The following NBR1 variants were observed in gnomAD, a reference collection of about 807,000 sequenced individuals.
The protein encoded by NBR1 is NBR1 autophagy cargo receptor.
NBR1 carries 59 observed loss-of-function variants against 115.5 expected under a neutral mutation model. The observed-to-expected ratio is 0.51, with a 90% CI of 0.41 to 0.63. The LOEUF (loss-of-function observed/expected upper bound fraction) is 0.63. Ranked by LOEUF, NBR1 falls within the 30% of genes least tolerant of loss-of-function variation. NBR1 has a pLI of 0.00. For missense variants in NBR1, 1,043 were observed against 1,150.5 expected, an observed-to-expected ratio of 0.91 and a Z score of 1.35; for synonymous variants, 373 against 414.7, an observed-to-expected ratio of 0.90 and a Z score of 1.22.
rs184767092 is a variant in NBR1 at position 43,211,289 on chromosome 17, A to T, written c.*1215A>T. On this transcript the variant is annotated 3_prime_UTR_variant, in exon 21 of 21. Coordinates refer to ENST00000590996, the MANE Select transcript of NBR1 (RefSeq NM_005899.5). ...AATGCTAAATATTTTATCCATGAAA[A>T]TGACTTCCAGAAAAGGAAGAATATG... 1.9e-3 allele frequency: 285 copies of T among 152,826 alleles called. 1 individual carries two copies. Among genetic ancestry groups the T allele is most frequent in the Non-Finnish European group, 2.5e-3 (170 of 68,066 alleles). The allele number at this position is 152,826 out of a possible 1,614,324, so 9.5% of individuals were successfully genotyped here. A position where few individuals can be genotyped will look rare whatever the true frequency, so the allele number is the denominator to read the frequency against.
rs527744712 is a variant in NBR1 at position 43,203,747 on chromosome 17, A to G, written c.2688A>G (p.Ala896=). ...VKGALSVAAS[A]YKALFAGPPV... is the part of the protein sequence containing the mutation. ...GGGCTTTGTCTGTTGCTGCCTCTGC[A>G]TACAAGGCCCTGTTTGCTGGGCCAC... The change falls in exon 20 of 21, where the codon GCA becomes GCG. Residue 896 remains alanine, a synonymous_variant. Coordinates refer to ENST00000590996, the MANE Select transcript of NBR1 (RefSeq NM_005899.5). 3 of 1,606,884 alleles carry G rather than the reference A, an allele frequency of 1.9e-6. No individual in the cohort carries two copies. The highest frequency in any genetic ancestry group is 1.3e-5 in the African/African-American group (1 of 74,872).
At chr17:43,170,523 A>T (rs187489135), upstream of NBR1, 1 of 153,642 alleles carries the variant, frequency 6.5e-6, no homozygotes, top group Non-Finnish European at 1.5e-5. Flanking sequence ...CTGAGGCCTG[A>T]ATATCAGCGT....
Position 43,171,243 on chromosome 17 carries a change from CCGGTAGCGGA to C in NBR1, c.-64_-55del. The C allele has an allele frequency of 6.6e-6, 1 of 152,638 alleles. No homozygotes were observed. Among genetic ancestry groups the C allele is most frequent in the Non-Finnish European group, 1.5e-5 (1 of 68,048 alleles). 9.5% of individuals were successfully genotyped at this position (152,638 alleles called of 1,614,324 possible). ...TCACCCCACAGGGATAGCGGCAGAG[CCGGTAGCGGA>C]CGGTCCTTGCATTGGCCTCCGGCAG... On this transcript the variant is annotated 5_prime_UTR_variant, in exon 1 of 21. Coordinates refer to ENST00000590996, the MANE Select transcript of NBR1 (RefSeq NM_005899.5).
chr17:43,186,570 G>A, intron 6 of NBR1, 126 bp downstream of exon 6: 2 of 854,816 alleles, frequency 2.3e-6, no homozygotes, highest in Non-Finnish European at 1.7e-6. Context: ...TGCAGAATGT[G>A]CAGGTTTGTT....
intron 7 of NBR1, 43 bp from the exon 8 acceptor site, chr17:43,189,545 A>T: frequency 7.0e-7 from 1 of 1,434,404 alleles, no homozygotes; most frequent in Admixed American, 1.7e-5. Flanking sequence ...TTTTTCTGAT[A>T]TTGGAACTGA....
chr17:43,193,066 G>A, intron 10 of NBR1, 28 bp from the exon 11 acceptor site: 1 of 1,608,682 alleles, frequency 6.2e-7, no homozygotes, highest in South Asian at 1.1e-5. Context: ...CCAACAGCAA[G>A]TGACTAAGCA....
chr17:43,195,219 C>T (rs2057039481), intron 14 of NBR1, 180 bp downstream of exon 14: 2 of 605,544 alleles, frequency 3.3e-6, no homozygotes, highest in Non-Finnish European at 5.8e-6. Context: ...AAAGTAACAA[C>T]ATGCTGGGCA....
Position 43,196,591 on chromosome 17 carries a change from G to C in NBR1, c.1861G>C (p.Asp621His), listed in dbSNP as rs903571517. The change falls in exon 15 of 21, where the codon GAT (aspartate) becomes CAT (histidine). Residue 621 changes from aspartate to histidine, a missense_variant and splice_region_variant. Physicochemically the swap from Asp to His is moderately conservative, Grantham distance 81. Coordinates refer to ENST00000590996, the MANE Select transcript of NBR1 (RefSeq NM_005899.5). The part of the protein sequence containing the change: ...NEGAGFKALP[D>H]SMVSVKRKAE... Reference sequence around the variant, plus strand: ...AGGGGCAGGATTTAAAGCACTTCCTGGTAAGGGATTAAACATTTGTAAAGT... The same window carrying C: ...AGGGGCAGGATTTAAAGCACTTCCTCGTAAGGGATTAAACATTTGTAAAGT... 4 of 1,580,558 alleles carry C rather than the reference G, an allele frequency of 2.5e-6. No homozygotes were observed. The highest frequency in any genetic ancestry group is 8.6e-7 in the Non-Finnish European group (1 of 1,159,456).
intron 1 of NBR1, among the ~76,000 whole-genome samples, chr17:43,174,424 C>T (rs1352491322): frequency 6.6e-6 from 1 of 151,942 alleles, no homozygotes; most frequent in Non-Finnish European, 1.5e-5. Flanking sequence ...GGTGAAACCC[C>T]GTCTCTACTA....
chr17:43,202,788 C>A, intron 19 of NBR1, 76 bp downstream of exon 19: 1 of 1,167,432 alleles, frequency 8.6e-7, no homozygotes, highest in South Asian at 1.3e-5. Context: ...AAGAGCCTCT[C>A]ACAGTATGTA....
chr17:43,190,449 T>C (rs944735157), intron 8 of NBR1, 160 bp from the exon 9 acceptor site: 1 of 707,772 alleles, frequency 1.4e-6, no homozygotes, highest in Non-Finnish European at 2.4e-6. Context: ...ATTATCCTCA[T>C]TTTATTAATG....
rs1169625468 is a variant in NBR1, at chr17:43,180,799, A to G, written c.189A>G (p.Glu63=). The change falls in exon 5 of 21, where the codon GAA becomes GAG. Residue 63 remains glutamate, a synonymous_variant. Transcript: ENST00000590996. ...NEEVSINSQG[E]YEEALKMAVK... ...GTATATTTTTTGTTCTTTTAGGAGA[A>G]TATGAAGAAGCGCTTAAGGTAATGA... 1 of 1,456,768 alleles carries G rather than the reference A, an allele frequency of 6.9e-7. No individual in the cohort carries two copies. Among genetic ancestry groups the G allele is most frequent in the Non-Finnish European group, 9.1e-7 (1 of 1,096,558 alleles). The allele number at this position is 1,456,768 out of a possible 1,614,324, so 90.2% of individuals were successfully genotyped here. A position where few individuals can be genotyped will look rare whatever the true frequency, so the allele number is the denominator to read the frequency against.
At chr17:43,197,593 A>G (rs1270629517) in intron 16 of NBR1, among the ~76,000 whole-genome samples, 2 of 152,014 alleles carry the variant, frequency 1.3e-5, no homozygotes, top group Non-Finnish European at 2.9e-5. Context: ...TTCTAATTAG[A>G]GCATCAGGAG....
chr17:43,195,208 A>G (rs916807306), intron 14 of NBR1, 169 bp downstream of exon 14: 3 of 633,634 alleles, frequency 4.7e-6, no homozygotes, highest in South Asian at 3.7e-5. Context: ...GTCCTTTGTC[A>G]AAAGTAACAA....
chr17:43,210,718 G>A lies in NBR1; in HGVS notation c.*644G>A, dbSNP rs568875218. On this transcript the variant is annotated 3_prime_UTR_variant, in exon 21 of 21. Coordinates refer to ENST00000590996, the MANE Select transcript of NBR1 (RefSeq NM_005899.5). ...GGGAATCTCCGCATTTCAATGAAAGGAGGAAGAGTGTGCTGATAAACCTAC... is the reference window on the plus strand; with the variant it reads ...GGGAATCTCCGCATTTCAATGAAAGAAGGAAGAGTGTGCTGATAAACCTAC... 1.4e-4 allele frequency: 57 copies of A among 398,528 alleles called. No homozygotes were observed. Among genetic ancestry groups the A allele is most frequent in the African/African-American group, 1.2e-3 (57 of 48,742 alleles). The allele number at this position is 398,528 out of a possible 1,614,324, so 24.7% of individuals were successfully genotyped here.
At chr17:43,175,379 TAGTA>T (rs1333393305) in intron 1 of NBR1, among the ~76,000 whole-genome samples, 3 of 152,328 alleles carry the variant, frequency 2.0e-5, no homozygotes, top group Admixed American at 6.5e-5. Flanking sequence ...GTCCTGCTAC[TAGTA>T]AGTATTTGTT....
intron 20 of NBR1, among the ~76,000 whole-genome samples, chr17:43,205,551 AG>A (rs940576665): frequency 1.8e-4 from 27 of 152,146 alleles, no homozygotes; most frequent in African/African-American, 6.5e-4. Flanking sequence ...GTGAGCATGG[AG>A]TGTGAATCCG....
Position 43,186,281 on chromosome 17 carries a change from T to A in NBR1, c.239T>A (p.Met80Lys). The change falls in exon 6 of 21, where the codon ATG (methionine) becomes AAG (lysine). Residue 80 changes from methionine (M) to lysine (K), a missense_variant. Transcript: ENST00000590996. ...GTTAAACAGGGAAACCAACTGCAGA[T>A]GCAAGTCCACGAAGGGCACCATGTC... ...MAVKQGNQLQ[M>K]QVHEGHHVVD... The A allele has an allele frequency of 6.3e-7, 1 of 1,583,576 alleles. No homozygotes were observed. The highest frequency in any genetic ancestry group is 8.6e-7 in the Non-Finnish European group (1 of 1,164,890).
intron 18 of NBR1, among the ~76,000 whole-genome samples, chr17:43,202,377 TGA>T (rs1198985154): frequency 6.6e-6 from 1 of 152,144 alleles, no homozygotes; most frequent in Non-Finnish European, 1.5e-5. Flanking sequence ...CTAATGGCTG[TGA>T]GTCTGTTTTC....
Sources: allele counts gnomAD v4.1 joint callset (sites outside exome capture counted in the v4.1 genomes callset), GRCh38; gene constraint gnomAD v4.1.1; transcripts MANE v1.5; gene names NCBI Gene and HGNC (gene_info 2026-07-23, HGNC 2026-07-21).